NFIX: variants seen among roughly 807,000 people sequenced by gnomAD.
NFIX encodes nuclear factor 1 X-type.
A neutral mutation model predicts 53.3 loss-of-function variants in NFIX; 2 were observed. The ratio of observed to expected loss-of-function variants is 0.04; its 90% CI spans 0.02 to 0.12. NFIX has a LOEUF of 0.12. NFIX is among the 10% of genes least tolerant of loss of function. The pLI, the probability that NFIX is intolerant of heterozygous loss-of-function variation, is 1.00. For missense variants in NFIX, 310 were observed against 674.5 expected (o/e 0.46, Z 5.99); for synonymous variants, 244 against 289.0 (o/e 0.84, Z 1.58).
rs1166785983 is a variant in NFIX at position 13,081,998 on chromosome 19, T to A, written c.1254+143T>A. 1 of 906,542 alleles carries A rather than the reference T, an allele frequency of 1.1e-6. No individual in the cohort carries two copies. Among genetic ancestry groups the A allele is most frequent in the Non-Finnish European group, 1.7e-6 (1 of 605,372 alleles). 56.2% of individuals were successfully genotyped at this position (906,542 alleles called of 1,614,324 possible). ...CAGGGAGCTGGTAGTACCAAACGCC[T>A]CGATTTTCTGGGTCTGGGGACGGGG... is the stretch of plus-strand genomic sequence containing the variant. On this transcript the variant is annotated intron_variant, in intron 8 of 10. Coordinates refer to ENST00000592199, the MANE Select transcript of NFIX (RefSeq NM_001365902.3). The surrounding 1 kb of genome is among the most constrained non-coding windows in gnomAD (Gnocchi z 4.7).
Position 13,001,358 on chromosome 19 carries a change from G to A in NFIX, c.27+5494G>A, listed in dbSNP as rs2011683665. ...GGGTGCTACCTGCATGTGACTCCAC[G>A]GATCATCGCACGCCCTGTCTCTTGT... On this transcript the variant is annotated intron_variant, in intron 1 of 10. Transcript: ENST00000592199. The surrounding 1 kb of genome is among the most constrained non-coding windows in gnomAD (Gnocchi z 6.5). 6.6e-6 allele frequency among the ~76,000 whole-genome samples: 1 copy of A among 152,058 alleles called. No individual in the cohort carries two copies. The highest frequency in any genetic ancestry group is 6.5e-5 in the Admixed American group (1 of 15,268).
Position 13,052,788 on chromosome 19 carries a change from CCA to C in NFIX, c.560-20250_560-20249del, listed in dbSNP as rs2015408105. ...TGAGGTTGGCACCCCCTGCACCCGT[CCA>C]CACACACAGACCAGAGGAGTGAGGA... On this transcript the variant is annotated intron_variant, in intron 2 of 10. Coordinates refer to ENST00000592199, the MANE Select transcript of NFIX (RefSeq NM_001365902.3). The surrounding 1 kb of genome is among the most constrained non-coding windows in gnomAD (Gnocchi z 5.2). Among the ~76,000 whole-genome samples, 1 of 152,214 alleles carries C rather than the reference CCA, an allele frequency of 6.6e-6. No homozygotes were observed.
At position 13,049,221 on chromosome 19, in the gene NFIX, C is replaced by G. The variant is rs1364579847; in HGVS notation, c.559+23669C>G. 2.0e-5 allele frequency among the ~76,000 whole-genome samples: 3 copies of G among 151,934 alleles called. No homozygotes were observed. Among genetic ancestry groups the G allele is most frequent in the Admixed American group, 2.0e-4 (3 of 15,266 alleles). ...CAAGCGATGATCACACTACTGCACT[C>G]CAGCCTGGGCAGGCAACAGAGTAAG... On this transcript the variant is annotated intron_variant, in intron 2 of 10. Transcript: ENST00000592199. The surrounding 1 kb of genome is among the most constrained non-coding windows in gnomAD (Gnocchi z 4.5).
chr19:13,087,353 TG>T (rs2145499515), intron 8 of NFIX, among the ~76,000 whole-genome samples: 1 of 152,308 alleles, frequency 6.6e-6, no homozygotes, highest in South Asian at 2.1e-4. Flanking sequence ...GCACTAGAGC[TG>T]GCAGCGATGG....
Position 13,090,161 on chromosome 19 carries a change from A to T in NFIX, c.1403-138A>T. 1 of 795,000 alleles carries T rather than the reference A, an allele frequency of 1.3e-6. No individual in the cohort carries two copies. 49.2% of individuals were successfully genotyped at this position (795,000 alleles called of 1,614,324 possible). A position where few individuals can be genotyped will look rare whatever the true frequency, so the allele number is the denominator to read the frequency against. On this transcript the variant is annotated intron_variant, in intron 9 of 10. Transcript: ENST00000592199. The surrounding 1 kb of genome is among the most constrained non-coding windows in gnomAD (Gnocchi z 6.6). ...TTCAGCTCAGATGCCCCTCTGGCCCATCCTTCCCACTGCCAGCCTAAACTC... is the reference window on the plus strand; with the variant it reads ...TTCAGCTCAGATGCCCCTCTGGCCCTTCCTTCCCACTGCCAGCCTAAACTC...
At position 13,011,715 on chromosome 19, in the gene NFIX, G is replaced by A. The variant is rs1249028783; in HGVS notation, c.28-13306G>A. Among the ~76,000 whole-genome samples, 1 of 152,174 alleles carries A rather than the reference G, an allele frequency of 6.6e-6. No homozygotes were observed. Among genetic ancestry groups the A allele is most frequent in the African/African-American group, 2.4e-5 (1 of 41,442 alleles). On this transcript the variant is annotated intron_variant, in intron 1 of 10. Transcript: ENST00000592199. The surrounding 1 kb of genome is among the most constrained non-coding windows in gnomAD (Gnocchi z 6.5). ...AACACTCCCTCCCCAGTGCCTCTGT[G>A]CATTAGGTCGCGTGCCTGTACGTAC...
In NFIX at chr19:13,045,232, G is replaced by A. The variant is rs549138929; in HGVS notation, c.559+19680G>A. Among the ~76,000 whole-genome samples, 61 of 152,292 alleles carry A rather than the reference G, an allele frequency of 4.0e-4. No homozygotes were observed. Among genetic ancestry groups the A allele is most frequent in the African/African-American group, 1.2e-3 (48 of 41,546 alleles). ...CTCCACAGCCACCATGGATTTAGGTGGACAAACAGTGGTATCCTGGTCTGT... is the reference window on the plus strand; with the variant it reads ...CTCCACAGCCACCATGGATTTAGGTAGACAAACAGTGGTATCCTGGTCTGT... On this transcript the variant is annotated intron_variant, in intron 2 of 10. Coordinates refer to ENST00000592199, the MANE Select transcript of NFIX (RefSeq NM_001365902.3). This position sits in a 1 kb window ranked among gnomAD's most constrained non-coding sequence, Gnocchi z 4.4.
chr19:13,023,996 A>G, intron 1 of NFIX: 4 of 1,492,308 alleles, frequency 2.7e-6, no homozygotes, highest in Non-Finnish European at 3.6e-6. Context: ...AGAATCTCAG[A>G]ATCGGGCGTT....
intron 2 of NFIX, among the ~76,000 whole-genome samples, chr19:13,069,412 C>G (rs949027026): frequency 1.3e-5 from 2 of 152,230 alleles, no homozygotes; most frequent in Non-Finnish European, 2.9e-5. Context: ...CCGGCACCTG[C>G]CCGCGTTGTG....
Position 13,049,840 on chromosome 19 carries a change from C to A in NFIX, c.560-23207C>A, listed in dbSNP as rs191044140. Among the ~76,000 whole-genome samples the A allele has an allele frequency of 1.8e-4, 28 of 152,332 alleles. No individual in the cohort carries two copies. The highest frequency in any genetic ancestry group is 7.2e-4 in the Admixed American group (11 of 15,300). On this transcript the variant is annotated intron_variant, in intron 2 of 10. Transcript: ENST00000592199. This position sits in a 1 kb window ranked among gnomAD's most constrained non-coding sequence, Gnocchi z 4.5. ...AACTCCTGATCTCGTGATCCGCTCA[C>A]CTCGGCCTCCCAAAGTGTTGGGATT...
At chr19:13,008,430 G>C (rs919383346) in intron 1 of NFIX, among the ~76,000 whole-genome samples, 1 of 152,114 alleles carries the variant, frequency 6.6e-6, no homozygotes, top group Non-Finnish European at 1.5e-5. Flanking sequence ...CCATAAACCT[G>C]GTGTGTTTTC....
In NFIX at chr19:12,996,027, CG is replaced by C. The variant is rs2011453709; in HGVS notation, c.27+166del. Among the ~76,000 whole-genome samples the C allele has an allele frequency of 6.6e-6, 1 of 150,952 alleles. No homozygotes were observed. Among genetic ancestry groups the C allele is most frequent in the African/African-American group, 2.4e-5 (1 of 41,288 alleles). On this transcript the variant is annotated intron_variant, in intron 1 of 10. Transcript: ENST00000592199. The surrounding 1 kb of genome is among the most constrained non-coding windows in gnomAD (Gnocchi z 5.2). ...GCCGCGGGGAGCCCAGGCACGCGTG[CG>C]GGCGTCACCGTGCGCGTGCGACCCT...
chr19:13,009,582 G>A lies in NFIX; in HGVS notation c.27+13718G>A, dbSNP rs1372152903. ...ATGGGAATTCCCTTCCTATTCCCCA[G>A]TTCTAAGAAGCCCAGAGCAAGAAAC... On this transcript the variant is annotated intron_variant, in intron 1 of 10. Coordinates refer to ENST00000592199, the MANE Select transcript of NFIX (RefSeq NM_001365902.3). This position sits in a 1 kb window ranked among gnomAD's most constrained non-coding sequence, Gnocchi z 4.7. 6.6e-6 allele frequency among the ~76,000 whole-genome samples: 1 copy of A among 152,170 alleles called. No homozygotes were observed. The highest frequency in any genetic ancestry group is 2.4e-5 in the African/African-American group (1 of 41,430).
rs1468447692 is a variant in NFIX, at chr19:13,060,342, G to A, written c.560-12705G>A. Among the ~76,000 whole-genome samples, 1 of 152,252 alleles carries A rather than the reference G, an allele frequency of 6.6e-6. No homozygotes were observed. Among genetic ancestry groups the A allele is most frequent in the South Asian group, 2.1e-4 (1 of 4,836 alleles). The stretch of plus-strand genomic sequence containing the variant: ...CCCAGAGCCTGAGGCCATTGGAAAG[G>A]GCCTATATCTGGAACGGGTGAAGGA... On this transcript the variant is annotated intron_variant, in intron 2 of 10. Transcript: ENST00000592199. This position sits in a 1 kb window ranked among gnomAD's most constrained non-coding sequence, Gnocchi z 4.3.
chr19:13,010,880 G>C (rs1459377073), intron 1 of NFIX, among the ~76,000 whole-genome samples: 4 of 152,158 alleles, frequency 2.6e-5, no homozygotes, highest in Non-Finnish European at 5.9e-5. Flanking sequence ...CATCCCTCTC[G>C]GAACACCCGC....
chr19:13,062,061 A>G (rs2016125049), intron 2 of NFIX, among the ~76,000 whole-genome samples: 1 of 152,168 alleles, frequency 6.6e-6, no homozygotes, highest in Admixed American at 6.5e-5. Context: ...TCCTCTGGAC[A>G]GCTCTGGACA....
intron 1 of NFIX, among the ~76,000 whole-genome samples, chr19:13,003,575 C>T (rs1474169725): frequency 6.6e-6 from 1 of 152,172 alleles, no homozygotes; most frequent in African/African-American, 2.4e-5. Flanking sequence ...ACACAAAACA[C>T]CCCACACACT....
At chr19:13,008,131 C>A (rs905157560) in intron 1 of NFIX, among the ~76,000 whole-genome samples, 8 of 152,210 alleles carry the variant, frequency 5.3e-5, no homozygotes, top group Non-Finnish European at 1.0e-4. Flanking sequence ...TCCTGGGATT[C>A]TTCCAGCTGG....
chr19:13,062,153 C>T (rs2016129887), intron 2 of NFIX, among the ~76,000 whole-genome samples: 1 of 152,212 alleles, frequency 6.6e-6, no homozygotes, highest in African/African-American at 2.4e-5. Context: ...GTGCTGTTCT[C>T]AGTGAGGCTC....
Sources: gnomAD v4.1 joint callset for allele counts (sites outside exome capture counted in the v4.1 genomes callset) on GRCh38, gnomAD v4.1.1 for gene constraint, Gnocchi (gnomAD v3.1) non-coding constraint, MANE v1.5 for transcripts, NCBI Gene and HGNC (gene_info 2026-07-23, HGNC 2026-07-21) for gene names.